MYRFL: variants seen among roughly 807,000 people sequenced by gnomAD.
MYRFL encodes the protein myelin regulatory factor like.
MYRFL carries 88 observed loss-of-function variants against 109.4 expected under a neutral mutation model. That is an observed-to-expected ratio of 0.80 (90% CI 0.68 to 0.96). MYRFL has a LOEUF of 0.96. Among genes scored for constraint, MYRFL ranks in the 40% least tolerant of loss-of-function variants. The pLI, the probability that MYRFL is intolerant of heterozygous loss-of-function variation, is 0.00. For missense variants in MYRFL, 957 were observed against 954.9 expected, an observed-to-expected ratio of 1.00 and a Z score of -0.03; for synonymous variants, 324 against 320.9, an observed-to-expected ratio of 1.01 and a Z score of -0.10.
chr12:69,926,697 A>G lies in MYRFL; in HGVS notation c.1729A>G (p.Ser577Gly). Residue 577 changes from serine (S) to glycine (G), a missense_variant, in exon 14 of 25, where the codon AGT becomes GGT. Ser to Gly is a moderately conservative substitution (Grantham distance 56, BLOSUM62 0). Transcript: ENST00000552032. ...GCTGGCCCGGCTAAAGCGGCTCAGT[A>G]GTTGGAAGTCATCAGCCAGTGAAGC... ...RKLARLKRLS[S>G]WKSSASEAST... 6.6e-7 allele frequency: 1 copy of G among 1,513,398 alleles called. No homozygotes were observed. The highest frequency in any genetic ancestry group is 1.4e-5 in the African/African-American group (1 of 72,512). The allele number at this position is 1,513,398 out of a possible 1,614,324, so 93.7% of individuals were successfully genotyped here.
intron 1 of MYRFL, among the ~76,000 whole-genome samples, chr12:69,835,290 T>C (rs1285401526): frequency 6.6e-6 from 1 of 152,236 alleles, no homozygotes; most frequent in Non-Finnish European, 1.5e-5. Context: ...GGCTCAGATC[T>C]GAACTAAATT....
intron 1 of MYRFL, among the ~76,000 whole-genome samples, chr12:69,842,377 A>G (rs576186218): frequency 1.3e-5 from 2 of 152,348 alleles, no homozygotes; most frequent in Admixed American, 1.3e-4. Flanking sequence ...TCATAATTAC[A>G]TTTATTCATT....
At chr12:69,895,029 C>T (rs1297830023) in intron 8 of MYRFL, among the ~76,000 whole-genome samples, 2 of 152,160 alleles carry the variant, frequency 1.3e-5, no homozygotes, top group Non-Finnish European at 2.9e-5. Flanking sequence ...ACAACAGTGG[C>T]GGCAGCACAA....
intron 2 of MYRFL, among the ~76,000 whole-genome samples, chr12:69,877,326 A>C (rs1268357232): frequency 6.6e-6 from 1 of 152,108 alleles, no homozygotes; most frequent in Non-Finnish European, 1.5e-5. Context: ...CCAGGCCTCC[A>C]GTTGTTTCTT....
chr12:69,931,654 AT>A (rs34010256), intron 15 of MYRFL, among the ~76,000 whole-genome samples: 113,481 of 151,376 alleles, frequency 0.75, 42,892 homozygotes, highest in Middle Eastern at 0.88. Context: ...TCTATCCCAA[AT>A]TCCCCGGAAG....
chr12:69,850,744 C>T (rs1883829674), intron 1 of MYRFL, among the ~76,000 whole-genome samples: 1 of 152,098 alleles, frequency 6.6e-6, no homozygotes, highest in Non-Finnish European at 1.5e-5. Flanking sequence ...CTTAGAATTT[C>T]AGTCTAAATC....
At chr12:69,891,589 C>CTTTCTTTCTTTCTTTCT (rs1592765752) in intron 7 of MYRFL, among the ~76,000 whole-genome samples, 2 of 139,156 alleles carry the variant, frequency 1.4e-5, no homozygotes, top group Admixed American at 1.4e-4. Flanking sequence ...TTCTTTCTTT[C>CTTTCTTTCTTTCTTTCT]TTTCTTTCTT....
chr12:69,952,924 G>C (rs1320832853), intron 21 of MYRFL, 38 bp downstream of exon 21: 1 of 1,413,126 alleles, frequency 7.1e-7, no homozygotes, highest in East Asian at 2.5e-5. Flanking sequence ...GTTGTTTCTG[G>C]AATTTACCCA....
At chr12:69,953,245 T>C (rs373375398) in intron 21 of MYRFL, among the ~76,000 whole-genome samples, 5 of 152,326 alleles carry the variant, frequency 3.3e-5, no homozygotes, top group Admixed American at 2.6e-4. Context: ...GGCTCCAAGT[T>C]ACAAGTGAGG....
At chr12:69,866,939 A>G (rs773643294) in intron 2 of MYRFL, among the ~76,000 whole-genome samples, 28 of 152,216 alleles carry the variant, frequency 1.8e-4, no homozygotes, top group Non-Finnish European at 1.9e-4. Flanking sequence ...CTAATGTGCA[A>G]CTAGGTAAGA....
In MYRFL at chr12:69,895,465, C is replaced by A; in HGVS notation, c.1075C>A (p.Pro359Thr). 6.5e-7 allele frequency: 1 copy of A among 1,535,338 alleles called. No homozygotes were observed. The highest frequency in any genetic ancestry group is 8.7e-7 in the Non-Finnish European group (1 of 1,146,492). Residue 359 changes from proline to threonine, a missense_variant, in exon 9 of 25, where the codon CCA (proline) becomes ACA (threonine). Transcript: ENST00000552032. Reference protein sequence around the residue: ...TANNMRKKGKPNPDQRYFMLV... With the variant: ...TANNMRKKGKTNPDQRYFMLV... ...AAATAATATGAGAAAAAAGGGAAAA[C>A]CAAATCCAGACCAGAGGTACTGATG...
intron 16 of MYRFL, chr12:69,935,912 T>C: frequency 1.6e-6 from 1 of 609,670 alleles, no homozygotes; most frequent in African/African-American, 1.9e-5. Context: ...GCCTCTGAGC[T>C]CTTTTTCTCT....
At chr12:69,877,110 G>C (rs1592740929) in intron 2 of MYRFL, among the ~76,000 whole-genome samples, 1 of 149,398 alleles carries the variant, frequency 6.7e-6, no homozygotes, top group Non-Finnish European at 1.5e-5. Context: ...TGCAAGCTCC[G>C]CCTCCCGGGT....
intron 13 of MYRFL, among the ~76,000 whole-genome samples, chr12:69,924,117 A>T (rs1954995215): frequency 2.1e-5 from 3 of 146,192 alleles, no homozygotes; most frequent in Non-Finnish European, 4.5e-5. Flanking sequence ...TGAACCCGGG[A>T]GGCAGAGCTT....
chr12:69,935,691 G>A (rs553584047), intron 16 of MYRFL, among the ~76,000 whole-genome samples: 1 of 152,290 alleles, frequency 6.6e-6, no homozygotes, highest in South Asian at 2.1e-4. Flanking sequence ...GACCTGTGCC[G>A]CCTTCCATCT....
chr12:69,852,897 G>T (rs1389235225), intron 1 of MYRFL, among the ~76,000 whole-genome samples: 1 of 152,108 alleles, frequency 6.6e-6, no homozygotes, highest in African/African-American at 2.4e-5. Context: ...AGAGCACGGG[G>T]TTGGGGGTAA....
At chr12:69,843,268 C>T (rs1254165175) in intron 1 of MYRFL, among the ~76,000 whole-genome samples, 3 of 152,170 alleles carry the variant, frequency 2.0e-5, no homozygotes, top group Non-Finnish European at 4.4e-5. Flanking sequence ...ACTGGCATGT[C>T]AGAGGGAAAC....
chr12:69,887,525 TAA>T (rs772736968), intron 6 of MYRFL, among the ~76,000 whole-genome samples: 36 of 152,296 alleles, frequency 2.4e-4, no homozygotes, highest in Non-Finnish European at 2.8e-4. Flanking sequence ...TTTTATGACA[TAA>T]GATAGTTTCA....
intron 22 of MYRFL, among the ~76,000 whole-genome samples, chr12:69,957,180 T>TTCAAC (rs1182512299): frequency 6.6e-6 from 1 of 152,180 alleles, no homozygotes; most frequent in Non-Finnish European, 1.5e-5. Flanking sequence ...CTGGCAGACT[T>TTCAAC]TCAACTCTGA....
Sources: allele counts gnomAD v4.1 joint callset (sites outside exome capture counted in the v4.1 genomes callset), GRCh38; gene constraint gnomAD v4.1.1; transcripts MANE v1.5; gene names NCBI Gene and HGNC (gene_info 2026-07-23, HGNC 2026-07-21).